DLG2: variants seen among roughly 807,000 people sequenced by gnomAD.
DLG2 encodes discs large MAGUK scaffold protein 2.
In DLG2, 45 loss-of-function variants were observed where a neutral mutation model predicts 132.5. The observed-to-expected ratio is 0.34, with a 90% CI of 0.27 to 0.44. The LOEUF is 0.44. Ranked by LOEUF, DLG2 falls within the 20% of genes least tolerant of loss-of-function variation. The pLI, the probability that DLG2 is intolerant of heterozygous loss-of-function variation, is 1.00. For synonymous variants in DLG2, 424 were observed against 419.6 expected (o/e 1.01, Z -0.13); for missense variants, 1,045 against 1,196.9 (o/e 0.87, Z 1.87).
At chr11:84,222,873 C>CA (rs1056083924) in intron 8 of DLG2, among the ~76,000 whole-genome samples, 2 of 151,914 alleles carry the variant, frequency 1.3e-5, no homozygotes, top group African/African-American at 2.4e-5. Context: ...TGCAAATGAA[C>CA]AAAAAAAGTG....
At chr11:83,479,099 T>C (rs1450965006) in intron 22 of DLG2, among the ~76,000 whole-genome samples, 1 of 152,038 alleles carries the variant, frequency 6.6e-6, no homozygotes, top group Non-Finnish European at 1.5e-5. Flanking sequence ...TCAATAAAAC[T>C]TTCATCAATA....
rs74385754 is a variant in DLG2, at chr11:85,114,536, G to A, written c.283-2801C>T. ...AGACCAGGATTCGGGGATTTGCAAT[G>A]CTGACCGTTAAAAACATGTCCTCTT... is the stretch of plus-strand genomic sequence containing the variant. On this transcript the variant is annotated intron_variant, in intron 5 of 27. Coordinates refer to ENST00000376104, the MANE Select transcript of DLG2 (RefSeq NM_001142699.3). Among the ~76,000 whole-genome samples the A allele has an allele frequency of 9.6e-3, 1,456 of 152,026 alleles. 61 individuals carry two copies. In the East Asian group the frequency reaches 0.11, roughly 12 times the overall value.
intron 20 of DLG2, among the ~76,000 whole-genome samples, chr11:83,538,001 A>C (rs1178167461): frequency 6.6e-6 from 1 of 151,954 alleles, no homozygotes; most frequent in Non-Finnish European, 1.5e-5. Flanking sequence ...GTGGTCCTCA[A>C]CCTCTTAGGA....
chr11:85,542,913 T>C (rs949836514), intron 3 of DLG2, among the ~76,000 whole-genome samples: 27 of 152,222 alleles, frequency 1.8e-4, no homozygotes, highest in African/African-American at 6.3e-4. Flanking sequence ...ATTTAAATGA[T>C]TTTGGAAGGA....
At chr11:84,429,282 G>T (rs780407845) in intron 7 of DLG2, among the ~76,000 whole-genome samples, 2 of 152,142 alleles carry the variant, frequency 1.3e-5, no homozygotes, top group African/African-American at 2.4e-5. Flanking sequence ...TAAGGATTCT[G>T]CAGTCTTATA....
chr11:83,662,938 A>G (rs1176564154), intron 18 of DLG2, among the ~76,000 whole-genome samples: 2 of 152,132 alleles, frequency 1.3e-5, no homozygotes, highest in Non-Finnish European at 2.9e-5. Flanking sequence ...GTTGGTCTCT[A>G]GCTTCAGGGC....
At chr11:85,313,726 T>C (rs529795320) in intron 3 of DLG2, among the ~76,000 whole-genome samples, 13 of 152,026 alleles carry the variant, frequency 8.6e-5, no homozygotes, top group Non-Finnish European at 1.8e-4. Flanking sequence ...TAAAATAATT[T>C]ACTTCTTGGT....
chr11:84,676,443 T>C (rs2153700138), intron 6 of DLG2, among the ~76,000 whole-genome samples: 1 of 152,222 alleles, frequency 6.6e-6, no homozygotes, highest in Middle Eastern at 3.4e-3. Context: ...GTTAGATGTC[T>C]TTCCAAAGAT....
At chr11:84,251,637 C>CTTTTTT (rs369651884) in intron 7 of DLG2, among the ~76,000 whole-genome samples, 3,906 of 128,286 alleles carry the variant, frequency 0.03, 84 homozygotes, top group Non-Finnish European at 0.04. Context: ...TGTATCTTTT[C>CTTTTTT]TTTCTTTTTT....
intron 11 of DLG2, among the ~76,000 whole-genome samples, chr11:83,995,760 T>C (rs1327245821): frequency 6.6e-6 from 1 of 152,116 alleles, no homozygotes; most frequent in East Asian, 1.9e-4. Context: ...CTGGGGAAAC[T>C]GGATATCCAT....
At chr11:84,081,898 T>C (rs2096909815) in intron 10 of DLG2, among the ~76,000 whole-genome samples, 1 of 152,196 alleles carries the variant, frequency 6.6e-6, no homozygotes. Flanking sequence ...CACCACATTG[T>C]CTTCCACAAT....
chr11:83,983,224 G>T (rs1043871170), intron 11 of DLG2, among the ~76,000 whole-genome samples: 4 of 152,014 alleles, frequency 2.6e-5, no homozygotes, highest in African/African-American at 4.8e-5. Flanking sequence ...TACAATACTT[G>T]CAGCATACAT....
intron 18 of DLG2, among the ~76,000 whole-genome samples, chr11:83,763,926 T>C (rs2094027370): frequency 6.6e-6 from 1 of 152,250 alleles, no homozygotes; most frequent in Non-Finnish European, 1.5e-5. Flanking sequence ...GGATCTCATA[T>C]TCTTATAAAG....
intron 7 of DLG2, 63 bp from the exon 8 acceptor site, chr11:84,251,354 T>A: frequency 7.9e-7 from 1 of 1,271,906 alleles, no homozygotes; most frequent in Non-Finnish European, 1.1e-6. Flanking sequence ...AGATTATTTC[T>A]GTTAACTTAT....
At chr11:83,853,773 T>G (rs527579302) in intron 16 of DLG2, among the ~76,000 whole-genome samples, 14 of 152,178 alleles carry the variant, frequency 9.2e-5, no homozygotes, top group African/African-American at 3.1e-4. Context: ...GCTAATATCA[T>G]GCCTAATGGT....
At chr11:84,969,956 G>T (rs1028638047) in intron 6 of DLG2, among the ~76,000 whole-genome samples, 1 of 152,156 alleles carries the variant, frequency 6.6e-6, no homozygotes, top group Admixed American at 6.5e-5. Flanking sequence ...TCGTAAGTGG[G>T]AGTTGAACGA....
chr11:83,648,857 C>G (rs929574284), intron 18 of DLG2, among the ~76,000 whole-genome samples: 1 of 152,110 alleles, frequency 6.6e-6, no homozygotes, highest in Non-Finnish European at 1.5e-5. Flanking sequence ...CACAGGAGCT[C>G]TCTGTACATT....
chr11:85,101,206 C>G lies in DLG2; in HGVS notation c.357+10455G>C, dbSNP rs531365343. On this transcript the variant is annotated intron_variant, in intron 6 of 27. Transcript: ENST00000376104. ...CAATATAGCAGGCTTCAGCAATGTC[C>G]TCTCTTGAATTTCCATACACCTGCT... Among the ~76,000 whole-genome samples, 6 of 152,114 alleles carry G rather than the reference C, an allele frequency of 3.9e-5. No individual in the cohort carries two copies. In the East Asian group the frequency reaches 1.2e-3, roughly 29 times the overall value.
intron 18 of DLG2, among the ~76,000 whole-genome samples, chr11:83,685,533 T>A (rs372102602): frequency 6.6e-6 from 1 of 152,114 alleles, no homozygotes; most frequent in African/African-American, 2.4e-5. Flanking sequence ...CACTAATCTA[T>A]CCTTCTACGT....
Sources: gnomAD v4.1 joint callset for allele counts (sites outside exome capture counted in the v4.1 genomes callset) on GRCh38, gnomAD v4.1.1 for gene constraint, MANE v1.5 for transcripts, NCBI Gene and HGNC (gene_info 2026-07-23, HGNC 2026-07-21) for gene names.